The following FAM13A variants were observed in gnomAD, a reference collection of about 807,000 sequenced individuals.
FAM13A encodes family with sequence similarity 13 member A.
In FAM13A, 76 loss-of-function variants were observed where a neutral mutation model predicts 129.6. The observed-to-expected ratio is 0.59, with a 90% CI of 0.49 to 0.71. FAM13A has a LOEUF of 0.71. FAM13A is among the 30% of genes least tolerant of loss of function. The probability of loss-of-function intolerance (pLI) is 0.00; values close to 1 mark genes in which losing one functional copy is unlikely to be tolerated. For missense variants in FAM13A, 1,108 were observed against 1,249.3 expected, an observed-to-expected ratio of 0.89 and a Z score of 1.70; for synonymous variants, 443 against 449.9, an observed-to-expected ratio of 0.98 and a Z score of 0.20.
intron 13 of FAM13A, among the ~76,000 whole-genome samples, chr4:88,762,472 C>T (rs1744995007): frequency 6.6e-6 from 1 of 152,150 alleles, no homozygotes; most frequent in Admixed American, 6.5e-5. Flanking sequence ...TGCTGTGCTC[C>T]CATCAATCCC....
intron 8 of FAM13A, among the ~76,000 whole-genome samples, chr4:88,795,831 CA>C (rs1280880340): frequency 2.0e-5 from 3 of 151,646 alleles, no homozygotes; most frequent in African/African-American, 4.8e-5. Context: ...TCTAGGTTTT[CA>C]TGTTTATTAG....
At chr4:88,869,197 T>C (rs1740947856) in intron 6 of FAM13A, among the ~76,000 whole-genome samples, 1 of 152,232 alleles carries the variant, frequency 6.6e-6, no homozygotes, top group Non-Finnish European at 1.5e-5. Context: ...GCTTCCTAAT[T>C]GGTTTTCTCA....
intron 11 of FAM13A, among the ~76,000 whole-genome samples, chr4:88,771,764 C>T (rs565904045): frequency 6.1e-4 from 93 of 152,230 alleles, no homozygotes; most frequent in Non-Finnish European, 1.1e-3. Context: ...AGTTTATAAT[C>T]CATAAAATTT....
intron 4 of FAM13A, among the ~76,000 whole-genome samples, chr4:88,966,473 A>G (rs1336143152): frequency 6.6e-6 from 1 of 152,182 alleles, no homozygotes; most frequent in Non-Finnish European, 1.5e-5. Flanking sequence ...CTATAGCCAA[A>G]TAAGTAAAGC....
intron 7 of FAM13A, among the ~76,000 whole-genome samples, chr4:88,815,449 C>T (rs1187853251): frequency 1.3e-5 from 2 of 152,078 alleles, no homozygotes; most frequent in Non-Finnish European, 2.9e-5. Context: ...TTCTGGAGTC[C>T]GTTATTTGTT....
intron 3 of FAM13A, among the ~76,000 whole-genome samples, chr4:88,993,729 G>A (rs1479816537): frequency 1.3e-5 from 2 of 152,118 alleles, no homozygotes; most frequent in Admixed American, 6.6e-5. Flanking sequence ...GGCTGGGCGC[G>A]GCAGCTCACG....
rs147595342 is a variant in FAM13A at position 88,731,430 on chromosome 4, T to TA, written c.2844-3dup. 2.8e-3 allele frequency: 4,366 copies of TA among 1,546,570 alleles called. 93 individuals carry two copies. In the African/African-American group the frequency reaches 0.053, roughly 19 times the overall value. ...TGGAGGTGTTCCAGGAGTTCAGGTC[T>TA]AAGAGAGAGGAAGCATTGCAAGGAA... is the stretch of plus-strand genomic sequence containing the variant. On this transcript the variant is annotated splice_polypyrimidine_tract_variant and splice_region_variant and intron_variant, in intron 22 of 23. Transcript: ENST00000264344.
At chr4:88,860,275 A>C (rs1442240083) in intron 6 of FAM13A, among the ~76,000 whole-genome samples, 2 of 152,232 alleles carry the variant, frequency 1.3e-5, no homozygotes, top group East Asian at 1.9e-4. Flanking sequence ...TTATGGGGAA[A>C]AATTAAGCAG....
In FAM13A at chr4:88,735,034, A is replaced by G. The variant is rs1047830745; in HGVS notation, c.2646+2438T>C. Among the ~76,000 whole-genome samples the G allele has an allele frequency of 3.3e-5, 5 of 152,322 alleles. No homozygotes were observed. In the South Asian group the frequency reaches 1.0e-3, roughly 32 times the overall value. On this transcript the variant is annotated intron_variant, in intron 21 of 23. Transcript: ENST00000264344. The stretch of plus-strand genomic sequence containing the variant: ...TGGTGTGTGTGCACACAGCAGAGCT[A>G]GGAGACCACTGAAAGGTCTGGAACC...
At chr4:89,043,577 T>C (rs567914960) in intron 1 of FAM13A, among the ~76,000 whole-genome samples, 5 of 152,230 alleles carry the variant, frequency 3.3e-5, no homozygotes, top group East Asian at 1.9e-4. Flanking sequence ...ACAGCATTTA[T>C]ATAGAAACAG....
intron 4 of FAM13A, among the ~76,000 whole-genome samples, chr4:88,961,012 C>T (rs1758527543): frequency 2.6e-5 from 4 of 152,216 alleles, no homozygotes; most frequent in Admixed American, 2.6e-4. Flanking sequence ...AAGAGGTGCC[C>T]TCTTACAGTT....
chr4:88,794,710 TATA>T (rs1308074257), intron 8 of FAM13A, among the ~76,000 whole-genome samples: 2 of 151,848 alleles, frequency 1.3e-5, no homozygotes, highest in East Asian at 1.9e-4. Flanking sequence ...TTCTCTAGGA[TATA>T]ATATTTAAAT....
intron 5 of FAM13A, among the ~76,000 whole-genome samples, chr4:88,925,274 T>C (rs562814610): frequency 3.2e-4 from 49 of 152,330 alleles, no homozygotes; most frequent in African/African-American, 9.4e-4. Flanking sequence ...ATTGCGGCTC[T>C]ATTCACAATA....
At chr4:88,742,671 A>G (rs1434655144) in intron 19 of FAM13A, among the ~76,000 whole-genome samples, 3 of 152,196 alleles carry the variant, frequency 2.0e-5, no homozygotes, top group Non-Finnish European at 4.4e-5. Flanking sequence ...TTTAATCCAT[A>G]GTTATATGAA....
intron 2 of FAM13A, among the ~76,000 whole-genome samples, chr4:89,025,656 G>A (rs1795735): frequency 0.1 from 15,934 of 152,158 alleles, 907 homozygotes; most frequent in African/African-American, 0.14. Context: ...ACATGTGGTA[G>A]AACGGTGTGC....
At chr4:88,958,326 C>T (rs1334756864) in intron 4 of FAM13A, among the ~76,000 whole-genome samples, 1 of 152,232 alleles carries the variant, frequency 6.6e-6, no homozygotes, top group East Asian at 1.9e-4. Flanking sequence ...CTGCCTGCAT[C>T]TCAGCCACTC....
chr4:88,874,457 T>C (rs1742012086), intron 6 of FAM13A, among the ~76,000 whole-genome samples: 1 of 152,116 alleles, frequency 6.6e-6, no homozygotes, highest in Non-Finnish European at 1.5e-5. Context: ...GGATACAAAA[T>C]CAATGTGCAA....
rs373445907 is a variant in FAM13A at position 88,789,832 on chromosome 4, T to C, written c.1091+754A>G. Among the ~76,000 whole-genome samples, 40 of 152,254 alleles carry C rather than the reference T, an allele frequency of 2.6e-4. No individual in the cohort carries two copies. In the South Asian group the frequency reaches 5.0e-3, roughly 19 times the overall value. ...CGAGGAGTGAATGAGAAAAAAGTGC[T>C]GGCCAGGCTGAGGAACAGCCAATAC... is the stretch of plus-strand genomic sequence containing the variant. On this transcript the variant is annotated intron_variant, in intron 9 of 23. Coordinates refer to ENST00000264344, the MANE Select transcript of FAM13A (RefSeq NM_014883.4).
intron 10 of FAM13A, among the ~76,000 whole-genome samples, chr4:88,786,154 C>T (rs556085544): frequency 6.6e-6 from 1 of 152,184 alleles, no homozygotes; most frequent in East Asian, 1.9e-4. Context: ...CTGTCTGGCC[C>T]CTATCTGTTT....
Sources: allele counts gnomAD v4.1 joint callset (sites outside exome capture counted in the v4.1 genomes callset), GRCh38; gene constraint gnomAD v4.1.1; transcripts MANE v1.5; gene names NCBI Gene and HGNC (gene_info 2026-07-23, HGNC 2026-07-21).